Variants in ANKH observed in about 807,000 individuals in gnomAD.
ANKH encodes ANKH inorganic pyrophosphate transport regulator, also known as mineralization regulator ANKH.
Under a neutral mutation model 49.0 loss-of-function variants are expected in ANKH, and 15 were observed. The ratio of observed to expected loss-of-function variants is 0.31; its 90% CI spans 0.20 to 0.47. ANKH has a LOEUF of 0.47. Among genes scored for constraint, ANKH ranks in the 20% least tolerant of loss-of-function variants. The pLI, the probability that ANKH is intolerant of heterozygous loss-of-function variation, is 1.00. For missense variants in ANKH, 429 were observed against 652.0 expected (o/e 0.66, Z 3.72); for synonymous variants, 273 against 260.0 (o/e 1.05, Z -0.48).
Position 14,770,838 on chromosome 5 carries a change from C to T in ANKH, c.97-1647G>A, listed in dbSNP as rs1347338023. On this transcript the variant is annotated intron_variant, in intron 1 of 11. Coordinates refer to ENST00000284268, the MANE Select transcript of ANKH (RefSeq NM_054027.6). This position sits in a 1 kb window ranked among gnomAD's most constrained non-coding sequence, Gnocchi z 4.1. Reference sequence around the variant, plus strand: ...TACATTCTGTGGATTCTGACAAATGCAGAATGACATATATCCACAACATAT... The same window carrying T: ...TACATTCTGTGGATTCTGACAAATGTAGAATGACATATATCCACAACATAT... Among the ~76,000 whole-genome samples the T allele has an allele frequency of 6.6e-6, 1 of 152,108 alleles. No homozygotes were observed. The highest frequency in any genetic ancestry group is 1.5e-5 in the Non-Finnish European group (1 of 68,022).
chr5:14,796,891 G>C (rs1309625925), intron 1 of ANKH, among the ~76,000 whole-genome samples: 2 of 151,992 alleles, frequency 1.3e-5, no homozygotes, highest in Non-Finnish European at 1.5e-5. Flanking sequence ...CTTTAGACCT[G>C]GGTTACTAGA....
In ANKH at chr5:14,779,366, A is replaced by G. The variant is rs563105123; in HGVS notation, c.97-10175T>C. ...AAAAGAAACCCTCTCTTGACTCCCAACGTCCTCTAGTTCCCACCCTCTTTC... is the reference window on the plus strand; with the variant it reads ...AAAAGAAACCCTCTCTTGACTCCCAGCGTCCTCTAGTTCCCACCCTCTTTC... On this transcript the variant is annotated intron_variant, in intron 1 of 11. Transcript: ENST00000284268. 3.3e-5 allele frequency among the ~76,000 whole-genome samples: 5 copies of G among 152,094 alleles called. No individual in the cohort carries two copies. In the South Asian group the frequency reaches 6.3e-4, roughly 19 times the overall value.
At chr5:14,860,551 C>T (rs1048496109) in intron 1 of ANKH, among the ~76,000 whole-genome samples, 6 of 152,110 alleles carry the variant, frequency 3.9e-5, no homozygotes, top group Non-Finnish European at 8.8e-5. Flanking sequence ...ATATTCTCCA[C>T]ACTACTATTC....
chr5:14,771,464 G>A (rs1014638444), intron 1 of ANKH, among the ~76,000 whole-genome samples: 11 of 152,146 alleles, frequency 7.2e-5, no homozygotes, highest in Non-Finnish European at 2.9e-5. Flanking sequence ...GCCTGCCACC[G>A]CTGGACTTCC....
At chr5:14,835,682 G>GA (rs1157430310) in intron 1 of ANKH, among the ~76,000 whole-genome samples, 1 of 152,080 alleles carries the variant, frequency 6.6e-6, no homozygotes, top group Admixed American at 6.5e-5. Flanking sequence ...TCACAGCCCA[G>GA]AAGTACAAAG....
intron 9 of ANKH, 61 bp downstream of exon 9, chr5:14,716,645 G>A: frequency 3.1e-6 from 5 of 1,607,228 alleles, no homozygotes; most frequent in South Asian, 1.1e-5. Flanking sequence ...CATTTCCAAA[G>A]AAAGATTTAA....
At chr5:14,861,148 A>G (rs573455406) in intron 1 of ANKH, among the ~76,000 whole-genome samples, 1 of 152,152 alleles carries the variant, frequency 6.6e-6, no homozygotes, top group Non-Finnish European at 1.5e-5. Flanking sequence ...AATTTGAATG[A>G]AAGGCAGTAA....
chr5:14,776,258 A>C, intron 1 of ANKH, among the ~76,000 whole-genome samples: 1 of 152,222 alleles, frequency 6.6e-6, no homozygotes, highest in East Asian at 1.9e-4. Context: ...GGAAAAAGCA[A>C]GAGCGCCATT....
Position 14,713,394 on chromosome 5 carries a change from T to C in ANKH, c.1265+150A>G. ...AAAATGGATCCCAAGAGCCTCCACC[T>C]GGTGCCTGGGCAGACACACAAAACA... is the stretch of plus-strand genomic sequence containing the variant. On this transcript the variant is annotated intron_variant, in intron 10 of 11. Transcript: ENST00000284268. The surrounding 1 kb of genome is among the most constrained non-coding windows in gnomAD (Gnocchi z 4.4). The C allele has an allele frequency of 8.4e-7, 1 of 1,185,244 alleles. No individual in the cohort carries two copies. Among genetic ancestry groups the C allele is most frequent in the Non-Finnish European group, 1.2e-6 (1 of 821,812 alleles). 73.4% of individuals were successfully genotyped at this position (1,185,244 alleles called of 1,614,324 possible).
At chr5:14,780,502 C>T (rs769830093) in intron 1 of ANKH, among the ~76,000 whole-genome samples, 12 of 152,130 alleles carry the variant, frequency 7.9e-5, no homozygotes, top group Non-Finnish European at 1.3e-4. Context: ...GAGATTGTGC[C>T]ACTGCACTCC....
chr5:14,748,909 T>G (rs1160424805), intron 6 of ANKH, among the ~76,000 whole-genome samples: 1 of 152,258 alleles, frequency 6.6e-6, no homozygotes, highest in Non-Finnish European at 1.5e-5. Flanking sequence ...CTTTAACCTT[T>G]TCTTTCTGTG....
At chr5:14,734,461 TAAAAAG>T (rs1279818336) in intron 8 of ANKH, among the ~76,000 whole-genome samples, 1 of 152,214 alleles carries the variant, frequency 6.6e-6, no homozygotes, top group East Asian at 1.9e-4. Flanking sequence ...TGCTGAGAAT[TAAAAAG>T]AAAATTTTAT....
chr5:14,742,815 C>T (rs957280629), intron 7 of ANKH, among the ~76,000 whole-genome samples: 2 of 152,242 alleles, frequency 1.3e-5, no homozygotes, highest in South Asian at 2.1e-4. Context: ...CCCAGCTTGA[C>T]AGTCAAAGGC....
At chr5:14,782,095 C>G (rs771733642) in intron 1 of ANKH, among the ~76,000 whole-genome samples, 7 of 152,130 alleles carry the variant, frequency 4.6e-5, no homozygotes, top group Non-Finnish European at 8.8e-5. Flanking sequence ...CTTCTTCTGA[C>G]TTAAGTGCAA....
chr5:14,779,023 C>T (rs1318935200), intron 1 of ANKH, among the ~76,000 whole-genome samples: 2 of 152,188 alleles, frequency 1.3e-5, no homozygotes, highest in Admixed American at 1.3e-4. Context: ...GATAACCTCA[C>T]CTCTTATCCA....
intron 8 of ANKH, among the ~76,000 whole-genome samples, chr5:14,721,152 A>G (rs1220055185): frequency 6.6e-6 from 1 of 152,240 alleles, no homozygotes; most frequent in African/African-American, 2.4e-5. Context: ...CTTGAACACA[A>G]CCACGAAGTT....
intron 11 of ANKH, among the ~76,000 whole-genome samples, chr5:14,711,673 A>T (rs1012261726): frequency 6.6e-6 from 1 of 152,208 alleles, no homozygotes; most frequent in African/African-American, 2.4e-5. Context: ...TAAAGCCTCA[A>T]GCTTGGAATC....
At chr5:14,766,044 C>T (rs114189009) in intron 2 of ANKH, among the ~76,000 whole-genome samples, 2,478 of 152,154 alleles carry the variant, frequency 0.016, 75 homozygotes, top group African/African-American at 0.056. Flanking sequence ...TTCATTATAG[C>T]GCACAGGGCA....
At chr5:14,790,768 CCA>C (rs554962815) in intron 1 of ANKH, among the ~76,000 whole-genome samples, 366 of 152,164 alleles carry the variant, frequency 2.4e-3, no homozygotes, top group South Asian at 4.0e-3. Context: ...GTCACCATGC[CCA>C]GTTAATTTTT....
Sources: allele counts gnomAD v4.1 joint callset (sites outside exome capture counted in the v4.1 genomes callset), GRCh38; gene constraint gnomAD v4.1.1; non-coding constraint Gnocchi (gnomAD v3.1); transcripts MANE v1.5; gene names NCBI Gene and HGNC (gene_info 2026-07-23, HGNC 2026-07-21).